Variants in HERC1 observed in about 807,000 individuals in gnomAD.
The protein encoded by HERC1 is probable E3 ubiquitin-protein ligase HERC1.
Under a neutral mutation model 554.3 loss-of-function variants are expected in HERC1, and 160 were observed. The ratio of observed to expected loss-of-function variants is 0.29; its 90% CI spans 0.25 to 0.33. The LOEUF (loss-of-function observed/expected upper bound fraction) is 0.33, where lower values mean the gene tolerates loss of function less well. Among genes scored for constraint, HERC1 ranks in the 10% least tolerant of loss-of-function variants. The pLI is 1.00. For synonymous variants in HERC1, 2,175 were observed against 2,131.7 expected, an observed-to-expected ratio of 1.02 and a Z score of -0.56; for missense variants, 4,919 against 5,918.5, an observed-to-expected ratio of 0.83 and a Z score of 5.54.
At chr15:63,649,161 T>G (rs1023877529) in intron 54 of HERC1, among the ~76,000 whole-genome samples, 22 of 152,220 alleles carry the variant, frequency 1.4e-4, no homozygotes, top group African/African-American at 5.3e-4. Context: ...GAGACCATCC[T>G]GGCCAACATG....
In HERC1 at chr15:63,641,097, C is replaced by T. The variant is rs16947311; in HGVS notation, c.11607+373G>A. 7.2e-3 allele frequency among the ~76,000 whole-genome samples: 1,093 copies of T among 152,218 alleles called. 13 individuals carry two copies. The highest frequency in any genetic ancestry group is 0.025 in the African/African-American group (1,046 of 41,526). On this transcript the variant is annotated intron_variant, in intron 60 of 77. Transcript: ENST00000443617. Reference sequence around the variant, plus strand: ...TGGAGACGATATTCAGTCTGATACCCGCATCCATCCCTATCCCTCAACTTT... The same window carrying T: ...TGGAGACGATATTCAGTCTGATACCTGCATCCATCCCTATCCCTCAACTTT...
chr15:63,690,679 A>G (rs757427256), intron 31 of HERC1, 32 bp from the exon 32 acceptor site: 24 of 1,295,348 alleles, frequency 1.9e-5, no homozygotes, highest in Non-Finnish European at 2.5e-5. Context: ...CTTATTATCA[A>G]TGTGACTTAA....
At chr15:63,690,734 G>C (rs923501157) in intron 31 of HERC1, 87 bp from the exon 32 acceptor site, 19 of 790,242 alleles carry the variant, frequency 2.4e-5, no homozygotes, top group Non-Finnish European at 4.1e-5. Context: ...TCCTGAGGCT[G>C]CTAAACATTT....
chr15:63,610,711 A>G (rs1173462421), intron 77 of HERC1, among the ~76,000 whole-genome samples: 1 of 152,248 alleles, frequency 6.6e-6, no homozygotes, highest in Non-Finnish European at 1.5e-5. Context: ...ACAGGGAGGA[A>G]TAGCTTTGGC....
rs1415258448 is a variant in HERC1 at position 63,756,496 on chromosome 15, G to A, written c.1474C>T (p.His492Tyr). 6.2e-7 allele frequency: 1 copy of A among 1,613,874 alleles called. No individual in the cohort carries two copies. The highest frequency in any genetic ancestry group is 1.7e-5 in the Admixed American group (1 of 60,020). ...WGDGDYGKLGHGNSSTQKYPK... is the reference protein window; with the variant it reads ...WGDGDYGKLGYGNSSTQKYPK... ...TATTTCTGTGTTGAACTATTTCCAT[G>A]CCCCAGTTTCCCATAATCACCATCT... Residue 492 changes from histidine (H) to tyrosine (Y), a missense_variant, in exon 5 of 78, where the codon CAT becomes TAT. By Grantham distance (83) the His-to-Tyr change is moderately conservative (BLOSUM62 2). This residue lies in a region of HERC1 where 744 missense variants were observed against 1,090.0 expected (regional missense o/e 0.68). Transcript: ENST00000443617. The surrounding 1 kb of genome is among the most constrained non-coding windows in gnomAD (Gnocchi z 5.0).
At chr15:63,763,442 T>C (rs564280129) in intron 3 of HERC1, among the ~76,000 whole-genome samples, 2 of 152,186 alleles carry the variant, frequency 1.3e-5, no homozygotes, top group South Asian at 2.1e-4. Context: ...AGGAACTGCA[T>C]CATGAGTAAT....
At position 63,749,296 on chromosome 15, in the gene HERC1, A is replaced by G. The variant is rs1281227821; in HGVS notation, c.2219+71T>C. 1.7e-6 allele frequency: 2 copies of G among 1,153,528 alleles called. No homozygotes were observed. Among genetic ancestry groups the G allele is most frequent in the Non-Finnish European group, 2.5e-6 (2 of 812,748 alleles). The allele number at this position is 1,153,528 out of a possible 1,614,324, so 71.5% of individuals were successfully genotyped here. On this transcript the variant is annotated intron_variant, in intron 10 of 77. Coordinates refer to ENST00000443617, the MANE Select transcript of HERC1 (RefSeq NM_003922.4). This position sits in a 1 kb window ranked among gnomAD's most constrained non-coding sequence, Gnocchi z 4.1. ...ACAAAGCACAATTATTTCTGTTTTT[A>G]TTAGTGTTTCTACTTTTTATTGGTG...
At chr15:63,725,554 C>A (rs759087630) in intron 17 of HERC1, 41 bp from the exon 18 acceptor site, 2 of 1,507,502 alleles carry the variant, frequency 1.3e-6, no homozygotes, top group Admixed American at 1.7e-5. Flanking sequence ...TTATCTGGTA[C>A]TTTTAAGATT....
At position 63,718,759 on chromosome 15, in the gene HERC1, TG is replaced by T. The variant is rs755998321; in HGVS notation, c.3857+23del. On this transcript the variant is annotated intron_variant, in intron 20 of 77. Coordinates refer to ENST00000443617, the MANE Select transcript of HERC1 (RefSeq NM_003922.4). The surrounding 1 kb of genome is among the most constrained non-coding windows in gnomAD (Gnocchi z 4.2). ...GACATCATGAGAGCAAATATTTGTC[TG>T]AGGATAGTTTTAAGTTACTTGCCGG... 6.2e-7 allele frequency: 1 copy of T among 1,605,978 alleles called. No homozygotes were observed. Among genetic ancestry groups the T allele is most frequent in the East Asian group, 2.2e-5 (1 of 44,650 alleles).
At chr15:63,707,505 T>A (rs1388696607) in intron 24 of HERC1, among the ~76,000 whole-genome samples, 2 of 152,222 alleles carry the variant, frequency 1.3e-5, no homozygotes, top group Non-Finnish European at 2.9e-5. Flanking sequence ...ACTTGGCCTA[T>A]ATGTACAGGC....
chr15:63,707,969 CAG>C (rs1029717180), intron 24 of HERC1, among the ~76,000 whole-genome samples: 2 of 132,514 alleles, frequency 1.5e-5, no homozygotes, highest in Non-Finnish European at 3.2e-5. Context: ...AGTGACAAAA[CAG>C]ATTCATTTGG....
rs563666194 is a variant in HERC1, at chr15:63,736,775, T to C, written c.2521-1926A>G. ...GCATGCGCCACCATGCCCAGGTAAT[T>C]TTTGTATTTTTAGTAGAGATGGGGT... On this transcript the variant is annotated intron_variant, in intron 12 of 77. Transcript: ENST00000443617. 7.2e-5 allele frequency among the ~76,000 whole-genome samples: 11 copies of C among 152,060 alleles called. No individual in the cohort carries two copies. The South Asian group carries it at 1.9e-3, about 26-fold the overall frequency.
intron 2 of HERC1, among the ~76,000 whole-genome samples, chr15:63,765,022 A>C (rs1355955677): frequency 6.6e-6 from 1 of 152,224 alleles, no homozygotes; most frequent in Non-Finnish European, 1.5e-5. Flanking sequence ...ATTCACCCTG[A>C]CAAAAGAAAA....
At position 63,634,793 on chromosome 15, in the gene HERC1, A is replaced by G. The variant is rs370489543; in HGVS notation, c.12510T>C (p.Asn4170=). 2.5e-6 allele frequency: 4 copies of G among 1,613,396 alleles called. No individual in the cohort carries two copies. Among genetic ancestry groups the G allele is most frequent in the Non-Finnish European group, 3.4e-6 (4 of 1,179,554 alleles). The change falls in exon 66 of 78, where the codon AAT becomes AAC. Residue 4170 remains asparagine, a synonymous_variant. Transcript: ENST00000443617. The part of the protein sequence containing the change: ...NGDYGRLGLG[N]TSNKKLPERV... Reference sequence around the variant, plus strand: ...TCTCTGGAAGTTTTTTGTTAGAGGTATTTCCAAGACCCAGACGACCATAGT... The same window carrying G: ...TCTCTGGAAGTTTTTTGTTAGAGGTGTTTCCAAGACCCAGACGACCATAGT...
chr15:63,811,582 G>A (rs1268811996), intron 1 of HERC1, among the ~76,000 whole-genome samples: 2 of 151,966 alleles, frequency 1.3e-5, no homozygotes, highest in Non-Finnish European at 2.9e-5. Flanking sequence ...GGCCGAGACG[G>A]GCAGATCACG....
chr15:63,694,958 G>C lies in HERC1; in HGVS notation c.5122-64C>G. 6.9e-7 allele frequency: 1 copy of C among 1,452,376 alleles called. No homozygotes were observed. Among genetic ancestry groups the C allele is most frequent in the Non-Finnish European group, 9.4e-7 (1 of 1,068,492 alleles). The allele number at this position is 1,452,376 out of a possible 1,614,324, so 90.0% of individuals were successfully genotyped here. ...CAATAATACCTGCTTGCAAAAAGAA[G>C]TAATAACATTTTATTTCTAGTCTAT... On this transcript the variant is annotated intron_variant, in intron 27 of 77. Coordinates refer to ENST00000443617, the MANE Select transcript of HERC1 (RefSeq NM_003922.4). The surrounding 1 kb of genome is among the most constrained non-coding windows in gnomAD (Gnocchi z 4.3).
In HERC1 at chr15:63,690,637, C is replaced by A; in HGVS notation, c.5841G>T (p.Leu1947=). Residue 1947 remains leucine (L), a synonymous_variant, in exon 32 of 78, where the codon CTG becomes CTT. Transcript: ENST00000443617. ...GGAGCCTTGTTCTTAAGTTACCAACCAGAGGGATACCTGGAGGGGAAAAGA... is the reference window on the plus strand; with the variant it reads ...GGAGCCTTGTTCTTAAGTTACCAACAAGAGGGATACCTGGAGGGGAAAAGA... ...ASQKCSSGIP[L]VGNLRTRLLA... 1 of 1,592,436 alleles carries A rather than the reference C, an allele frequency of 6.3e-7. No homozygotes were observed. The highest frequency in any genetic ancestry group is 8.6e-7 in the Non-Finnish European group (1 of 1,162,424).
intron 2 of HERC1, among the ~76,000 whole-genome samples, chr15:63,764,842 G>A (rs1216165682): frequency 1.3e-5 from 2 of 152,196 alleles, no homozygotes; most frequent in Non-Finnish European, 2.9e-5. Context: ...TCAGCAACTT[G>A]CTAATAAGAT....
chr15:63,668,947 TCAA>T (rs895718867), intron 40 of HERC1, among the ~76,000 whole-genome samples: 1 of 152,220 alleles, frequency 6.6e-6, no homozygotes, highest in Admixed American at 6.5e-5. Flanking sequence ...TATAGAACAC[TCAA>T]CAACAGCACA....
Sources: gnomAD v4.1 joint callset for allele counts (sites outside exome capture counted in the v4.1 genomes callset) on GRCh38, gnomAD v4.1.1 for gene constraint, gnomAD v4.1.1 regional missense constraint, Gnocchi (gnomAD v3.1) non-coding constraint, MANE v1.5 for transcripts, NCBI Gene and HGNC (gene_info 2026-07-23, HGNC 2026-07-21) for gene names.